The following EBF2 variants were observed in gnomAD, a reference collection of about 807,000 sequenced individuals.
The protein encoded by EBF2 is transcription factor COE2.
Under a neutral mutation model 72.8 loss-of-function variants are expected in EBF2, and 21 were observed. That is an observed-to-expected ratio of 0.29 (90% confidence interval 0.20 to 0.42). EBF2 has a LOEUF of 0.42. Ranked by LOEUF, EBF2 falls within the 10% of genes least tolerant of loss-of-function variation. EBF2 has a pLI of 1.00. For synonymous variants in EBF2, 299 were observed against 274.2 expected (o/e 1.09, Z -0.89); for missense variants, 637 against 731.2 (o/e 0.87, Z 1.49).
intron 6 of EBF2, among the ~76,000 whole-genome samples, chr8:25,983,420 CT>C (rs1377348593): frequency 6.6e-6 from 1 of 152,184 alleles, no homozygotes; most frequent in African/African-American, 2.4e-5. Context: ...ATGTTCCAGA[CT>C]TTTTTGTTTT....
intron 6 of EBF2, among the ~76,000 whole-genome samples, chr8:25,964,668 C>T (rs1233430639): frequency 6.6e-6 from 1 of 152,152 alleles, no homozygotes; most frequent in Admixed American, 6.5e-5. Context: ...CCTGTTCATT[C>T]CCAGAGAGGA....
chr8:25,927,122 T>C (rs1038935741), intron 6 of EBF2, among the ~76,000 whole-genome samples: 4 of 152,014 alleles, frequency 2.6e-5, no homozygotes, highest in African/African-American at 9.7e-5. Context: ...ATGGGTCTCA[T>C]CCAATCAGTT....
intron 6 of EBF2, among the ~76,000 whole-genome samples, chr8:25,995,647 T>A (rs1804613278): frequency 6.6e-6 from 1 of 151,980 alleles, no homozygotes; most frequent in African/African-American, 2.4e-5. Flanking sequence ...TACACCTCAA[T>A]AAACTGTTTT....
intron 2 of EBF2, chr8:26,041,365 C>T: frequency 3.6e-6 from 1 of 275,112 alleles, no homozygotes. Context: ...CTTCCCTTGG[C>T]AGAAAAGTGA....
intron 2 of EBF2, 66 bp from the exon 3 acceptor site, chr8:26,041,068 C>G (rs968271075): frequency 2.1e-5 from 33 of 1,564,472 alleles, no homozygotes; most frequent in Non-Finnish European, 2.7e-5. Context: ...AAAGAGGAGA[C>G]AGTGAATCCC....
chr8:26,039,685 C>T lies in EBF2; in HGVS notation c.482+343G>A, dbSNP rs1223020664. 2.0e-5 allele frequency among the ~76,000 whole-genome samples: 3 copies of T among 152,172 alleles called. No individual in the cohort carries two copies. The South Asian group carries it at 6.2e-4, about 32-fold the overall frequency. ...TACTGGAAATCTACCACAAGAGGCC[C>T]GGCGGGAACTCCAGCCGATCCCAAA... On this transcript the variant is annotated intron_variant, in intron 5 of 15. Transcript: ENST00000520164.
intron 8 of EBF2, among the ~76,000 whole-genome samples, chr8:25,888,226 G>T (rs1802724833): frequency 6.6e-6 from 1 of 152,186 alleles, no homozygotes; most frequent in Non-Finnish European, 1.5e-5. Flanking sequence ...AAAAGTCCTT[G>T]CATTCAAAGG....
chr8:25,940,895 C>A (rs1303039678), intron 6 of EBF2, among the ~76,000 whole-genome samples: 1 of 152,082 alleles, frequency 6.6e-6, no homozygotes, highest in South Asian at 2.1e-4. Flanking sequence ...CCCCTTCCCC[C>A]AAAACACGGT....
chr8:26,023,221 C>A (rs1231034782), intron 6 of EBF2, among the ~76,000 whole-genome samples: 2 of 152,202 alleles, frequency 1.3e-5, no homozygotes, highest in Non-Finnish European at 2.9e-5. Context: ...TTATCCTAAT[C>A]TTTCCCAGGC....
chr8:25,888,291 A>G (rs1802726095), intron 8 of EBF2, among the ~76,000 whole-genome samples: 2 of 152,216 alleles, frequency 1.3e-5, no homozygotes, highest in African/African-American at 2.4e-5. Context: ...GCTGCTTTTG[A>G]AAGCTGCTGG....
intron 6 of EBF2, 146 bp downstream of exon 6, chr8:26,032,939 A>T: frequency 1.5e-6 from 1 of 679,798 alleles, no homozygotes; most frequent in Middle Eastern, 2.6e-4. Flanking sequence ...AAAGGCCAGC[A>T]TGAGGAGGCC....
At chr8:26,007,981 A>C (rs1394388945) in intron 6 of EBF2, among the ~76,000 whole-genome samples, 1 of 152,036 alleles carries the variant, frequency 6.6e-6, no homozygotes, top group Non-Finnish European at 1.5e-5. Flanking sequence ...CAAGTGAAAT[A>C]GTTTTAAATG....
At chr8:25,877,281 C>T (rs1802539244) in intron 10 of EBF2, among the ~76,000 whole-genome samples, 1 of 152,172 alleles carries the variant, frequency 6.6e-6, no homozygotes, top group South Asian at 2.1e-4. Context: ...TTCTGCATTG[C>T]CAGTTCTCTC....
At chr8:25,884,859 C>G (rs1802664245) in intron 10 of EBF2, among the ~76,000 whole-genome samples, 1 of 152,180 alleles carries the variant, frequency 6.6e-6, no homozygotes, top group African/African-American at 2.4e-5. Flanking sequence ...CTCTTTCCAT[C>G]TACTGCTAAT....
At chr8:25,908,266 T>C (rs1803071982) in intron 7 of EBF2, among the ~76,000 whole-genome samples, 1 of 152,176 alleles carries the variant, frequency 6.6e-6, no homozygotes, top group Non-Finnish European at 1.5e-5. Context: ...CCCATAGGGC[T>C]TTGGCAATGG....
intron 7 of EBF2, among the ~76,000 whole-genome samples, chr8:25,899,681 A>G (rs1453943948): frequency 6.6e-6 from 1 of 152,216 alleles, no homozygotes; most frequent in Non-Finnish European, 1.5e-5. Flanking sequence ...TTTCCAAGAC[A>G]TGAGTAGCCG....
At chr8:25,992,635 G>C (rs1804563187) in intron 6 of EBF2, among the ~76,000 whole-genome samples, 1 of 152,054 alleles carries the variant, frequency 6.6e-6, no homozygotes, top group Admixed American at 6.5e-5. Context: ...ATGGTGGGTG[G>C]CTCACTCCTG....
intron 5 of EBF2, among the ~76,000 whole-genome samples, chr8:26,037,476 T>C (rs1805522541): frequency 6.6e-6 from 1 of 152,190 alleles, no homozygotes; most frequent in African/African-American, 2.4e-5. Context: ...AACTCCTCCC[T>C]GCGATTGCAT....
chr8:25,983,182 T>C (rs1804391305), intron 6 of EBF2, among the ~76,000 whole-genome samples: 1 of 152,026 alleles, frequency 6.6e-6, no homozygotes. Flanking sequence ...ATACATTATG[T>C]CATATCTACC....
Sources: allele counts gnomAD v4.1 joint callset (sites outside exome capture counted in the v4.1 genomes callset), GRCh38; gene constraint gnomAD v4.1.1; transcripts MANE v1.5; gene names NCBI Gene and HGNC (gene_info 2026-07-23, HGNC 2026-07-21).